The following NRXN3 variants were observed in gnomAD, a reference collection of about 807,000 sequenced individuals.
NRXN3 encodes the protein neurexin III.
NRXN3 carries 32 observed loss-of-function variants against 137.6 expected under a neutral mutation model. The ratio of observed to expected loss-of-function variants is 0.23; its 90% CI spans 0.18 to 0.31. The LOEUF is 0.31. Ranked by LOEUF, NRXN3 falls within the 10% of genes least tolerant of loss-of-function variation. The pLI, the probability that NRXN3 is intolerant of heterozygous loss-of-function variation, is 1.00. For synonymous variants in NRXN3, 798 were observed against 784.5 expected (o/e 1.02, Z -0.29); for missense variants, 1,574 against 2,062.5 (o/e 0.76, Z 4.59).
At chr14:79,489,282 A>G (rs1366620369) in intron 16 of NRXN3, among the ~76,000 whole-genome samples, 1 of 151,836 alleles carries the variant, frequency 6.6e-6, no homozygotes, top group Non-Finnish European at 1.5e-5. Flanking sequence ...CATGGCTCAT[A>G]TTTTCTCCTC....
intron 19 of NRXN3, among the ~76,000 whole-genome samples, chr14:79,745,934 T>C (rs764799953): frequency 5.0e-4 from 76 of 152,278 alleles, no homozygotes; most frequent in Non-Finnish European, 8.5e-4. Flanking sequence ...ACACTAGTTA[T>C]ATTGGCTTAG....
In NRXN3 at chr14:79,240,970, A is replaced by ATG. The variant is rs551467017; in HGVS notation, c.3263-226242_3263-226241dup. Among the ~76,000 whole-genome samples the ATG allele has an allele frequency of 8.4e-3, 1,280 of 152,214 alleles. 12 individuals are homozygous for ATG. The highest frequency in any genetic ancestry group is 0.017 in the Middle Eastern group (5 of 292). On this transcript the variant is annotated intron_variant, in intron 15 of 20. Coordinates refer to ENST00000335750, the MANE Select transcript of NRXN3 (RefSeq NM_001330195.2). ...AATTTAAAAGTGTGTTTGGGTGTGT[A>ATG]TGTGTGTGTGCATGTATGTGTCCTT...
intron 10 of NRXN3, among the ~76,000 whole-genome samples, chr14:78,889,527 ATT>A (rs375057810): frequency 4.6e-5 from 7 of 151,990 alleles, no homozygotes; most frequent in African/African-American, 1.7e-4. Context: ...TTTTCTGAAT[ATT>A]TTTTAGTACT....
chr14:78,539,286 T>G (rs1294388606), intron 4 of NRXN3, among the ~76,000 whole-genome samples: 1 of 152,228 alleles, frequency 6.6e-6, no homozygotes, highest in African/African-American at 2.4e-5. Context: ...TTGCCTCAAT[T>G]TCAGAGCCTG....
chr14:78,683,072 C>T (rs886497660), intron 6 of NRXN3, among the ~76,000 whole-genome samples: 13 of 152,018 alleles, frequency 8.6e-5, no homozygotes, highest in African/African-American at 2.9e-4. Context: ...GTGTGTTTTA[C>T]GTTTAAAATC....
At chr14:79,030,635 C>CTTTTTTTTTTTTTTTTTT in intron 15 of NRXN3, among the ~76,000 whole-genome samples, 21 of 54,254 alleles carry the variant, frequency 3.9e-4, no homozygotes, top group East Asian at 1.1e-3. Flanking sequence ...TTCTCTGTGT[C>CTTTTTTTTTTTTTTTTTT]TTTTTTTTTT....
intron 10 of NRXN3, among the ~76,000 whole-genome samples, chr14:78,821,267 G>A (rs1390630394): frequency 9.2e-5 from 14 of 152,076 alleles, no homozygotes; most frequent in Admixed American, 5.9e-4. Flanking sequence ...CCACAAGTGC[G>A]GGCAGGATAA....
chr14:78,877,270 A>G (rs1468758426), intron 10 of NRXN3, among the ~76,000 whole-genome samples: 3 of 152,190 alleles, frequency 2.0e-5, no homozygotes, highest in Non-Finnish European at 2.9e-5. Flanking sequence ...GTATATAGCA[A>G]AAGTGCTTAT....
intron 16 of NRXN3, among the ~76,000 whole-genome samples, chr14:79,659,983 A>G (rs1409386317): frequency 6.6e-6 from 1 of 152,150 alleles, no homozygotes; most frequent in Non-Finnish European, 1.5e-5. Flanking sequence ...TCATCATATT[A>G]TATCATCCTT....
At chr14:78,948,994 A>T (rs922612647) in intron 10 of NRXN3, among the ~76,000 whole-genome samples, 1 of 152,210 alleles carries the variant, frequency 6.6e-6, no homozygotes, top group African/African-American at 2.4e-5. Context: ...AAGCTGGGGT[A>T]TAGTAGATCA....
At chr14:78,206,608 T>A (rs1425741524) in intron 1 of NRXN3, among the ~76,000 whole-genome samples, 3 of 152,170 alleles carry the variant, frequency 2.0e-5, no homozygotes, top group African/African-American at 7.2e-5. Flanking sequence ...ACTAGTGGCC[T>A]CCTTGGTTGG....
chr14:78,935,551 T>A (rs970608716), intron 10 of NRXN3, among the ~76,000 whole-genome samples: 1 of 152,176 alleles, frequency 6.6e-6, no homozygotes, highest in Non-Finnish European at 1.5e-5. Flanking sequence ...ATGAAAATGC[T>A]ATGTACACAG....
chr14:79,363,088 C>A lies in NRXN3; in HGVS notation c.3263-104133C>A, dbSNP rs140093798. 4.9e-3 allele frequency among the ~76,000 whole-genome samples: 745 copies of A among 151,778 alleles called. 11 individuals carry two copies. Among genetic ancestry groups the A allele is most frequent in the Non-Finnish European group, 4.3e-3 (295 of 67,966 alleles). ...TGATCTTGGCTCACTGCAACCTCCA[C>A]CTCCTGGGTTCAAGCAATTCTCCTC... On this transcript the variant is annotated intron_variant, in intron 15 of 20. Transcript: ENST00000335750.
intron 4 of NRXN3, among the ~76,000 whole-genome samples, chr14:78,351,167 A>C (rs993346023): frequency 6.6e-6 from 1 of 152,170 alleles, no homozygotes; most frequent in African/African-American, 2.4e-5. Context: ...AAATTGTTCT[A>C]CATAGTGTTG....
At chr14:78,728,383 T>C (rs994413918) in intron 8 of NRXN3, among the ~76,000 whole-genome samples, 2 of 152,098 alleles carry the variant, frequency 1.3e-5, no homozygotes, top group African/African-American at 4.8e-5. Context: ...AAAGAAGTGG[T>C]CTAAATATGC....
At chr14:78,635,702 T>C (rs904917961) in intron 4 of NRXN3, among the ~76,000 whole-genome samples, 3 of 152,168 alleles carry the variant, frequency 2.0e-5, no homozygotes, top group Non-Finnish European at 2.9e-5. Context: ...TTGAGTACTT[T>C]TGATGATTCT....
intron 8 of NRXN3, among the ~76,000 whole-genome samples, chr14:78,776,635 G>T (rs534030417): frequency 3.9e-5 from 6 of 152,270 alleles, no homozygotes; most frequent in African/African-American, 1.4e-4. Flanking sequence ...AAAACAAAAT[G>T]TTGGTCAGCA....
At chr14:78,649,012 C>T (rs1258826492) in intron 5 of NRXN3, among the ~76,000 whole-genome samples, 1 of 152,148 alleles carries the variant, frequency 6.6e-6, no homozygotes, top group Non-Finnish European at 1.5e-5. Context: ...TAGACTGCAG[C>T]TCCTTTTCTG....
intron 4 of NRXN3, among the ~76,000 whole-genome samples, chr14:78,462,828 T>G (rs772081243): frequency 2.6e-5 from 4 of 152,224 alleles, no homozygotes; most frequent in Non-Finnish European, 5.9e-5. Context: ...TATTCTGGAC[T>G]ACTCTGACAC....
Sources: allele counts gnomAD v4.1 joint callset (sites outside exome capture counted in the v4.1 genomes callset), GRCh38; gene constraint gnomAD v4.1.1; transcripts MANE v1.5; gene names NCBI Gene and HGNC (gene_info 2026-07-23, HGNC 2026-07-21).